ADD3: variants seen among roughly 807,000 people sequenced by gnomAD.
ADD3 encodes gamma-adducin.
ADD3 carries 25 observed loss-of-function variants against 80.2 expected under a neutral mutation model. The observed-to-expected ratio is 0.31, with a 90% CI of 0.23 to 0.44. The LOEUF (loss-of-function observed/expected upper bound fraction) is 0.44, where lower values mean the gene tolerates loss of function less well. ADD3 is among the 20% of genes least tolerant of loss of function. The pLI is 1.00. For missense variants in ADD3, 829 were observed against 847.5 expected, an observed-to-expected ratio of 0.98 and a Z score of 0.27; for synonymous variants, 284 against 289.6, an observed-to-expected ratio of 0.98 and a Z score of 0.20.
intron 2 of ADD3, among the ~76,000 whole-genome samples, chr10:110,104,185 T>C (rs1352367751): frequency 6.6e-6 from 1 of 152,086 alleles, no homozygotes; most frequent in Non-Finnish European, 1.5e-5. Flanking sequence ...AAGGAGAAAA[T>C]TGAGAAATTC....
In ADD3 at chr10:110,133,482, T is replaced by A. The variant is rs1488233752; in HGVS notation, c.1985T>A (p.Ile662Asn). 6.8e-6 allele frequency: 11 copies of A among 1,613,904 alleles called. No individual in the cohort carries two copies. The highest frequency in any genetic ancestry group is 1.7e-4 in the Middle Eastern group (1 of 6,056). ...ACCATAGAAAACATCGAGATTACTA[T>A]TAAGTCTCCAGAGAAAATCGAAGAA... ...STTIENIEIT[I>N]KSPEKIEEVL... The change falls in exon 15 of 15, where the codon ATT (isoleucine) becomes AAT (asparagine). Residue 662 changes from isoleucine to asparagine, a missense_variant. Coordinates refer to ENST00000356080, the MANE Select transcript of ADD3 (RefSeq NM_016824.5).
intron 1 of ADD3, among the ~76,000 whole-genome samples, chr10:110,040,580 G>A (rs543476557): frequency 6.6e-6 from 1 of 152,236 alleles, no homozygotes; most frequent in South Asian, 2.1e-4. Flanking sequence ...ACCATGTTGT[G>A]GAATTTGGGC....
chr10:110,049,844 G>A (rs922072531), intron 1 of ADD3, among the ~76,000 whole-genome samples: 7 of 146,738 alleles, frequency 4.8e-5, no homozygotes, highest in African/African-American at 1.0e-4. Flanking sequence ...CCGAGATCGC[G>A]CCACTGCACT....
At chr10:110,041,994 T>G (rs1249605152) in intron 1 of ADD3, among the ~76,000 whole-genome samples, 4 of 152,216 alleles carry the variant, frequency 2.6e-5, no homozygotes, top group African/African-American at 9.7e-5. Flanking sequence ...TGGTAGCGTC[T>G]CTTGGGATCC....
At chr10:110,012,804 GC>G (rs1320075701) in intron 1 of ADD3, among the ~76,000 whole-genome samples, 1 of 148,532 alleles carries the variant, frequency 6.7e-6, no homozygotes, top group Non-Finnish European at 1.5e-5. Context: ...TCACTATGTT[GC>G]CCAGGCTGGT....
At chr10:110,092,695 C>G (rs1195054492) in intron 1 of ADD3, among the ~76,000 whole-genome samples, 1 of 152,060 alleles carries the variant, frequency 6.6e-6, no homozygotes, top group African/African-American at 2.4e-5. Context: ...TGTAACAGAC[C>G]TGCACATGTA....
chr10:110,074,860 A>G (rs1845206845), intron 1 of ADD3, among the ~76,000 whole-genome samples: 1 of 152,154 alleles, frequency 6.6e-6, no homozygotes, highest in African/African-American at 2.4e-5. Context: ...TCAGTAGAGT[A>G]TTTTTATTTA....
chr10:110,020,599 CAG>C (rs1247747193), intron 1 of ADD3, among the ~76,000 whole-genome samples: 1 of 152,146 alleles, frequency 6.6e-6, no homozygotes, highest in Non-Finnish European at 1.5e-5. Flanking sequence ...TAACTTCAAA[CAG>C]AGGTGTGGCA....
chr10:110,122,067 C>G, intron 8 of ADD3, 43 bp from the exon 9 acceptor site: 1 of 1,539,494 alleles, frequency 6.5e-7, no homozygotes, highest in Non-Finnish European at 8.8e-7. Context: ...TCATTACAGT[C>G]TTTATAGTTT....
chr10:110,066,378 A>G (rs146759257), intron 1 of ADD3, among the ~76,000 whole-genome samples: 1,651 of 152,222 alleles, frequency 0.011, 29 homozygotes, highest in African/African-American at 0.036. Context: ...CTGGGACTAC[A>G]GGTGTGTGCC....
chr10:110,092,014 T>G (rs1251263771), intron 1 of ADD3, among the ~76,000 whole-genome samples: 1 of 152,186 alleles, frequency 6.6e-6, no homozygotes, highest in Non-Finnish European at 1.5e-5. Context: ...ATCAGAGAAG[T>G]GCAGATCAAA....
At chr10:110,098,750 C>T (rs1032358742) in intron 1 of ADD3, among the ~76,000 whole-genome samples, 2 of 152,046 alleles carry the variant, frequency 1.3e-5, no homozygotes, top group African/African-American at 4.8e-5. Context: ...CTGCCTCAGC[C>T]TCCCGAGTAG....
intron 1 of ADD3, among the ~76,000 whole-genome samples, chr10:110,044,446 CA>C (rs1342048807): frequency 2.0e-5 from 3 of 152,140 alleles, no homozygotes; most frequent in Non-Finnish European, 4.4e-5. Context: ...AGAGATGAAT[CA>C]ACTAGGAACC....
rs535507193 is a variant in ADD3, at chr10:110,017,103, C to T, written c.-30+8804C>T. On this transcript the variant is annotated intron_variant, in intron 1 of 14. Coordinates refer to ENST00000356080, the MANE Select transcript of ADD3 (RefSeq NM_016824.5). ...ATCCAAAGTTTAGTGAAGTAACTTGCCCAAGATCGTACCGTTAACAAAGGG... is the reference window on the plus strand; with the variant it reads ...ATCCAAAGTTTAGTGAAGTAACTTGTCCAAGATCGTACCGTTAACAAAGGG... Among the ~76,000 whole-genome samples the T allele has an allele frequency of 2.3e-3, 345 of 152,254 alleles. 1 individual carries two copies. Among genetic ancestry groups the T allele is most frequent in the Admixed American group, 4.4e-3 (68 of 15,290 alleles).
At chr10:110,109,092 T>G (rs116776013) in intron 2 of ADD3, among the ~76,000 whole-genome samples, 1,742 of 152,340 alleles carry the variant, frequency 0.011, 30 homozygotes, top group African/African-American at 0.037. Context: ...ATTGGACTTG[T>G]GTCCTTGCCT....
intron 1 of ADD3, among the ~76,000 whole-genome samples, chr10:110,095,038 A>G (rs1380651687): frequency 2.6e-5 from 4 of 152,240 alleles, no homozygotes; most frequent in Non-Finnish European, 5.9e-5. Context: ...TGTTTTTACT[A>G]TTCCCAGCCT....
In ADD3 at chr10:110,023,462, A is replaced by G. The variant is rs1853927460; in HGVS notation, c.-30+15163A>G. On this transcript the variant is annotated intron_variant, in intron 1 of 14. Transcript: ENST00000356080. The stretch of plus-strand genomic sequence containing the variant: ...ATTATAGCAGCCTGAACAGACTAAG[A>G]CAGGAAGGAATGGGACATTTTGGAG... Among the ~76,000 whole-genome samples, 5 of 152,324 alleles carry G rather than the reference A, an allele frequency of 3.3e-5. No individual in the cohort carries two copies. In the South Asian group the frequency reaches 1.0e-3, roughly 32 times the overall value.
At chr10:110,088,821 C>T (rs1590066781) in intron 1 of ADD3, among the ~76,000 whole-genome samples, 1 of 152,034 alleles carries the variant, frequency 6.6e-6, no homozygotes, top group East Asian at 1.9e-4. Flanking sequence ...GCCTTTCCAT[C>T]CCTCCCTTTC....
intron 8 of ADD3, among the ~76,000 whole-genome samples, chr10:110,120,791 T>C (rs1037007680): frequency 6.6e-6 from 1 of 152,088 alleles, no homozygotes; most frequent in East Asian, 1.9e-4. Context: ...GGTACTGGTA[T>C]CAAAACAGAG....
Sources: allele counts gnomAD v4.1 joint callset (sites outside exome capture counted in the v4.1 genomes callset), GRCh38; gene constraint gnomAD v4.1.1; transcripts MANE v1.5; gene names NCBI Gene and HGNC (gene_info 2026-07-23, HGNC 2026-07-21).